Variants in CUL1 observed in about 807,000 individuals in gnomAD.
CUL1 encodes cullin 1.
A neutral mutation model predicts 118.0 loss-of-function variants in CUL1; 24 were observed. That is an observed-to-expected ratio of 0.20 (90% CI 0.15 to 0.29). The LOEUF (loss-of-function observed/expected upper bound fraction) is 0.29. Among genes scored for constraint, CUL1 ranks in the 10% least tolerant of loss-of-function variants. The pLI is 1.00. For missense variants in CUL1, 361 were observed against 933.8 expected (o/e 0.39, Z 7.99); for synonymous variants, 332 against 340.4 (o/e 0.98, Z 0.27).
chr7:148,786,985 C>T lies in CUL1; in HGVS notation c.1348-4C>T. On this transcript the variant is annotated splice_region_variant and splice_polypyrimidine_tract_variant and intron_variant, in intron 12 of 21. Transcript: ENST00000325222. Reference sequence around the variant, plus strand: ...TAAGTGTGTTGTCTCGGTGGCTTTGCCAGATGGTTGTCTTCAAGTACATAG... The same window carrying T: ...TAAGTGTGTTGTCTCGGTGGCTTTGTCAGATGGTTGTCTTCAAGTACATAG... 6.2e-7 allele frequency: 1 copy of T among 1,605,452 alleles called. No individual in the cohort carries two copies. The highest frequency in any genetic ancestry group is 8.5e-7 in the Non-Finnish European group (1 of 1,178,686).
chr7:148,750,488 C>T (rs1475492755), intron 2 of CUL1, among the ~76,000 whole-genome samples: 1 of 152,016 alleles, frequency 6.6e-6, no homozygotes, highest in Non-Finnish European at 1.5e-5. Flanking sequence ...TGTGATGTTC[C>T]CCTTCCTGTG....
intron 9 of CUL1, among the ~76,000 whole-genome samples, chr7:148,781,959 A>G (rs182798213): frequency 3.9e-5 from 6 of 152,334 alleles, no homozygotes; most frequent in African/African-American, 9.6e-5. Context: ...GAGTCCTTCA[A>G]TTGGCAGTTG....
chr7:148,697,779 G>A (rs1329085469), upstream of CUL1: 8 of 152,266 alleles, frequency 5.3e-5, no homozygotes, highest in Non-Finnish European at 8.8e-5. Flanking sequence ...CCCTCACTAG[G>A]TGTTGGGGTT....
chr7:148,758,623 A>C (rs1424196373), intron 4 of CUL1, among the ~76,000 whole-genome samples: 2 of 152,160 alleles, frequency 1.3e-5, no homozygotes, highest in African/African-American at 4.8e-5. Flanking sequence ...TCTCAAGAAA[A>C]AAAGAAAAGC....
intron 1 of CUL1, among the ~76,000 whole-genome samples, chr7:148,703,595 T>A (rs1029519118): frequency 6.6e-6 from 1 of 152,036 alleles, no homozygotes; most frequent in African/African-American, 2.4e-5. Flanking sequence ...TGCAGTGGCG[T>A]GATCTCGGCT....
intron 1 of CUL1, among the ~76,000 whole-genome samples, chr7:148,701,685 C>G (rs2129458735): frequency 6.6e-6 from 1 of 152,264 alleles, no homozygotes; most frequent in Middle Eastern, 3.4e-3. Context: ...ATCCCTTGGT[C>G]TCTGAGGGCC....
At chr7:148,762,412 G>A (rs1048060163) in intron 7 of CUL1, among the ~76,000 whole-genome samples, 3 of 152,042 alleles carry the variant, frequency 2.0e-5, no homozygotes, top group Admixed American at 6.6e-5. Flanking sequence ...AACTATTCGG[G>A]GTATTATACT....
intron 2 of CUL1, among the ~76,000 whole-genome samples, chr7:148,740,304 C>A (rs552642064): frequency 6.6e-6 from 1 of 152,278 alleles, no homozygotes; most frequent in Admixed American, 6.5e-5. Flanking sequence ...ATCCACCTAC[C>A]TCGGCCTCCC....
chr7:148,750,924 T>A (rs769324255), intron 2 of CUL1, among the ~76,000 whole-genome samples: 1 of 151,466 alleles, frequency 6.6e-6, no homozygotes, highest in Non-Finnish European at 1.5e-5. Flanking sequence ...CCTGCTATGA[T>A]CATGTCTGTG....
At chr7:148,736,553 T>G (rs1347793040) in intron 2 of CUL1, among the ~76,000 whole-genome samples, 1 of 152,198 alleles carries the variant, frequency 6.6e-6, no homozygotes, top group East Asian at 1.9e-4. Context: ...TCCTCCCACC[T>G]TGGCCTCCCA....
chr7:148,700,274 G>T (rs1797680187), intron 1 of CUL1, among the ~76,000 whole-genome samples: 1 of 152,196 alleles, frequency 6.6e-6, no homozygotes, highest in Non-Finnish European at 1.5e-5. Context: ...TAACGAAGCG[G>T]CAGAAGAGGA....
At chr7:148,700,700 C>G (rs550925619) in intron 1 of CUL1, among the ~76,000 whole-genome samples, 4 of 152,270 alleles carry the variant, frequency 2.6e-5, no homozygotes, top group African/African-American at 9.6e-5. Context: ...GAGAGTGTTC[C>G]TTAAGCTTGA....
chr7:148,782,821 C>G lies in CUL1; in HGVS notation c.1084-962C>G, dbSNP rs537669844. Among the ~76,000 whole-genome samples the G allele has an allele frequency of 1.1e-3, 157 of 142,574 alleles. 1 individual carries two copies. In the Middle Eastern group the frequency reaches 0.014, roughly 13 times the overall value. The allele number at this position is 142,574 out of a possible 152,430, so 93.5% of individuals were successfully genotyped here. On this transcript the variant is annotated intron_variant, in intron 9 of 21. Transcript: ENST00000325222. ...ACCTGAGCCCTGCAGATTAATGTAT[C>G]GTGATGTGGAAACATGGGCGTGCCG...
At chr7:148,767,196 G>C (rs1008383255) in intron 8 of CUL1, among the ~76,000 whole-genome samples, 7 of 152,082 alleles carry the variant, frequency 4.6e-5, no homozygotes, top group African/African-American at 1.7e-4. Flanking sequence ...TTTTATAATT[G>C]AGATAGAAAT....
intron 2 of CUL1, among the ~76,000 whole-genome samples, chr7:148,735,990 T>C (rs901111312): frequency 4.5e-5 from 6 of 134,562 alleles, no homozygotes; most frequent in African/African-American, 1.1e-4. Context: ...CTGGGCAACA[T>C]AGCAAAACCT....
At chr7:148,757,749 A>G (rs1230452793) in intron 4 of CUL1, among the ~76,000 whole-genome samples, 1 of 152,204 alleles carries the variant, frequency 6.6e-6, no homozygotes, top group African/African-American at 2.4e-5. Flanking sequence ...AATGGGCTCA[A>G]CAGTTCCACG....
chr7:148,797,971 T>A lies in CUL1; in HGVS notation c.1982T>A (p.Val661Glu). ...LEDENANVDE[V>E]ELKPDTLIKL... ...GATGAAAATGCAAATGTTGATGAGG[T>A]GGAATTGAAGCCAGATACCTTAATA... The change falls in exon 19 of 22, where the codon GTG becomes GAG. Residue 661 changes from valine (V) to glutamate (E), a missense_variant. Physicochemically the swap from Val to Glu is moderately radical, Grantham distance 121 (BLOSUM62 -2). This residue lies in a region of CUL1 where 84 missense variants were observed against 203.3 expected (regional missense o/e 0.41). Transcript: ENST00000325222. 6.2e-7 allele frequency: 1 copy of A among 1,612,506 alleles called. No individual in the cohort carries two copies. The highest frequency in any genetic ancestry group is 1.1e-5 in the South Asian group (1 of 90,924).
At chr7:148,789,910 T>A in intron 15 of CUL1, 84 bp downstream of exon 15, 2 of 1,237,452 alleles carry the variant, frequency 1.6e-6, no homozygotes, top group Non-Finnish European at 2.4e-6. Flanking sequence ...GGGACAGGCC[T>A]GCAGATGGCC....
At chr7:148,789,389 C>T (rs936737928) in intron 14 of CUL1, among the ~76,000 whole-genome samples, 1 of 152,010 alleles carries the variant, frequency 6.6e-6, no homozygotes, top group Non-Finnish European at 1.5e-5. Flanking sequence ...TTGCATGAGT[C>T]TGGGGCTGTG....
Sources: gnomAD v4.1 joint callset for allele counts (sites outside exome capture counted in the v4.1 genomes callset) on GRCh38, gnomAD v4.1.1 for gene constraint, gnomAD v4.1.1 regional missense constraint, MANE v1.5 for transcripts, NCBI Gene and HGNC (gene_info 2026-07-23, HGNC 2026-07-21) for gene names.